Variants in RUBCN observed in about 807,000 individuals in gnomAD.
RUBCN encodes run domain Beclin-1-interacting and cysteine-rich domain-containing protein.
A neutral mutation model predicts 113.2 loss-of-function variants in RUBCN; 74 were observed. The ratio of observed to expected loss-of-function variants is 0.65; its 90% CI spans 0.54 to 0.79. The LOEUF is 0.79. RUBCN is among the 30% of genes least tolerant of loss of function. The pLI is 0.00. For missense variants in RUBCN, 1,109 were observed against 1,251.7 expected (o/e 0.89, Z 1.72); for synonymous variants, 480 against 490.0 (o/e 0.98, Z 0.27).
chr3:197,715,063 G>C (rs1164211828), intron 2 of RUBCN, among the ~76,000 whole-genome samples: 1 of 152,130 alleles, frequency 6.6e-6, no homozygotes, highest in Admixed American at 6.5e-5. Context: ...GTCGAGGCAG[G>C]CGGATCATCT....
chr3:197,729,150 A>G (rs1727111926), intron 1 of RUBCN, among the ~76,000 whole-genome samples: 1 of 151,988 alleles, frequency 6.6e-6, no homozygotes. Context: ...CGTCTCAAAA[A>G]AAAAAAAAAA....
chr3:197,693,916 G>C (rs1468819959), intron 10 of RUBCN, 100 bp from the exon 11 acceptor site: 3 of 808,128 alleles, frequency 3.7e-6, no homozygotes, highest in Non-Finnish European at 6.4e-6. Context: ...CCTCAACAGA[G>C]AGAAATGGAA....
At chr3:197,691,168 A>G in intron 11 of RUBCN, 1 of 1,191,180 alleles carries the variant, frequency 8.4e-7, no homozygotes, top group African/African-American at 1.6e-5. Flanking sequence ...AATGATGATA[A>G]AAGGGGGCCC....
chr3:197,706,306 G>A (rs530620231), intron 2 of RUBCN, among the ~76,000 whole-genome samples: 2 of 152,210 alleles, frequency 1.3e-5, no homozygotes, highest in South Asian at 2.1e-4. Flanking sequence ...GTTGTTTTTC[G>A]ATAACCTTTT....
intron 11 of RUBCN, among the ~76,000 whole-genome samples, chr3:197,688,053 T>C (rs1008628792): frequency 6.6e-6 from 1 of 152,012 alleles, no homozygotes; most frequent in Non-Finnish European, 1.5e-5. Flanking sequence ...TGAGGTGAAG[T>C]TTCACTCTTG....
rs900080678 is a variant in RUBCN at position 197,671,921 on chromosome 3, T to C, written c.*3097A>G. 1 of 152,248 alleles carries C rather than the reference T, an allele frequency of 6.6e-6. No individual in the cohort carries two copies. Among genetic ancestry groups the C allele is most frequent in the South Asian group, 2.1e-4 (1 of 4,830 alleles). The allele number at this position is 152,248 out of a possible 1,614,324, so 9.4% of individuals were successfully genotyped here. A position where few individuals can be genotyped will look rare whatever the true frequency, so the allele number is the denominator to read the frequency against. ...TTTACATTATAACACAGAAACCTTC[T>C]CAATGTTCAGATATACCTGCTTTAC... On this transcript the variant is annotated 3_prime_UTR_variant, in exon 20 of 20. Transcript: ENST00000296343.
intron 3 of RUBCN, 77 bp from the exon 4 acceptor site, chr3:197,704,778 C>T (rs78086828): frequency 0.093 from 133,102 of 1,432,132 alleles, 6,848 homozygotes; most frequent in African/African-American, 0.18. Flanking sequence ...GACCTGAGAA[C>T]TAAATTGAGA....
At chr3:197,676,278 A>G in intron 18 of RUBCN, 10 of 992,218 alleles carry the variant, frequency 1.0e-5, no homozygotes, top group Non-Finnish European at 1.1e-5. Flanking sequence ...GGCCGAGGGT[A>G]GACTCCCTCT....
At chr3:197,709,669 C>A (rs574313978) in intron 2 of RUBCN, among the ~76,000 whole-genome samples, 1 of 152,048 alleles carries the variant, frequency 6.6e-6, no homozygotes, top group African/African-American at 2.4e-5. Context: ...GGTGAGCCAC[C>A]GCGCCCGGCC....
At position 197,703,397 on chromosome 3, in the gene RUBCN, CAAAAAAAAAAAA is replaced by C. The variant is rs1165064210; in HGVS notation, c.570+139_570+150del. ...TGGGAAACAGAGCGAGACTCTGTCT[CAAAAAAAAAAAA>C]AAAAAAAAAAAAAAAAAAAAAAATG... is the stretch of plus-strand genomic sequence containing the variant. On this transcript the variant is annotated intron_variant, in intron 5 of 19. Coordinates refer to ENST00000296343, the MANE Select transcript of RUBCN (RefSeq NM_014687.4). 6.1e-3 allele frequency: 952 copies of C among 155,414 alleles called. 2 individuals are homozygous for C. Among genetic ancestry groups the C allele is most frequent in the East Asian group, 0.034 (172 of 5,130 alleles). The allele number at this position is 155,414 out of a possible 1,614,324, so 9.6% of individuals were successfully genotyped here. A position where few individuals can be genotyped will look rare whatever the true frequency, so the allele number is the denominator to read the frequency against.
At chr3:197,714,745 G>A (rs532143895) in intron 2 of RUBCN, among the ~76,000 whole-genome samples, 1 of 152,216 alleles carries the variant, frequency 6.6e-6, no homozygotes, top group East Asian at 1.9e-4. Flanking sequence ...GTAGTTATAC[G>A]AGGCCCTGAC....
In RUBCN at chr3:197,700,880, G is replaced by A. The variant is rs775352201; in HGVS notation, c.994C>T (p.Pro332Ser). The A allele has an allele frequency of 5.0e-6, 8 of 1,614,204 alleles. No homozygotes were observed. In the South Asian group the frequency reaches 7.7e-5, roughly 16 times the overall value. The change falls in exon 7 of 20, where the codon CCC (proline) becomes TCC (serine). Residue 332 changes from proline (P) to serine (S), a missense_variant. By Grantham distance (74) the Pro-to-Ser change is moderately conservative (BLOSUM62 -1). Coordinates refer to ENST00000296343, the MANE Select transcript of RUBCN (RefSeq NM_014687.4). The stretch of plus-strand genomic sequence containing the variant: ...TGACAGCTGGCAGTCCGGCCTCGGG[G>A]GTCCAAGTTGCCAATGGCCAGGTAC... Reference protein sequence around the residue: ...PEYLAIGNLDPRGRTASCQSH... With the variant: ...PEYLAIGNLDSRGRTASCQSH...
chr3:197,730,885 C>CTTTTTTTTT (rs71166707), intron 1 of RUBCN, among the ~76,000 whole-genome samples: 47 of 49,982 alleles, frequency 9.4e-4, no homozygotes, highest in African/African-American at 1.6e-3. Flanking sequence ...TTAAAAGCAT[C>CTTTTTTTTT]TTTTTTTTTT....
intron 2 of RUBCN, among the ~76,000 whole-genome samples, chr3:197,715,753 C>T (rs9985405): frequency 0.11 from 17,159 of 152,194 alleles, 1,173 homozygotes; most frequent in African/African-American, 0.18. Context: ...CGTGTCGTAG[C>T]TAACATGAGT....
chr3:197,709,569 G>A (rs545574013), intron 2 of RUBCN, among the ~76,000 whole-genome samples: 36 of 152,040 alleles, frequency 2.4e-4, no homozygotes, highest in Non-Finnish European at 4.1e-4. Flanking sequence ...TAGTAGAGAC[G>A]GGGTTTCTCC....
At chr3:197,698,409 G>A (rs991202756) in intron 7 of RUBCN, among the ~76,000 whole-genome samples, 4 of 152,084 alleles carry the variant, frequency 2.6e-5, no homozygotes, top group African/African-American at 4.8e-5. Context: ...ATGGTACCCA[G>A]GATGGAACAC....
chr3:197,714,000 C>A (rs1449194628), intron 2 of RUBCN, among the ~76,000 whole-genome samples: 1 of 151,940 alleles, frequency 6.6e-6, no homozygotes, highest in Non-Finnish European at 1.5e-5. Context: ...GGCGTAAACC[C>A]GGGAGGCAGA....
chr3:197,703,707 A>G, intron 4 of RUBCN, 53 bp from the exon 5 acceptor site: 1 of 1,146,458 alleles, frequency 8.7e-7, no homozygotes, highest in East Asian at 2.4e-5. Context: ...AGGCCTTGAG[A>G]GAAGCTTGAG....
At chr3:197,723,529 T>C (rs1365860397) in intron 1 of RUBCN, among the ~76,000 whole-genome samples, 2 of 152,162 alleles carry the variant, frequency 1.3e-5, no homozygotes, top group East Asian at 1.9e-4. Flanking sequence ...AGTTTGATCA[T>C]AAAGATAGGA....
Sources: gnomAD v4.1 joint callset for allele counts (sites outside exome capture counted in the v4.1 genomes callset) on GRCh38, gnomAD v4.1.1 for gene constraint, MANE v1.5 for transcripts, NCBI Gene and HGNC (gene_info 2026-07-23, HGNC 2026-07-21) for gene names.